The following TAFA2 variants were observed in gnomAD, a reference collection of about 807,000 sequenced individuals.
TAFA2 encodes TAFA chemokine like family member 2.
Under a neutral mutation model 18.8 loss-of-function variants are expected in TAFA2, and 7 were observed. The observed-to-expected ratio is 0.37, with a 90% confidence interval of 0.21 to 0.70. The LOEUF (loss-of-function observed/expected upper bound fraction) is 0.70, where lower values mean the gene tolerates loss of function less well. Among genes scored for constraint, TAFA2 ranks in the 30% least tolerant of loss-of-function variants. The pLI, the probability that TAFA2 is intolerant of heterozygous loss-of-function variation, is 0.53. For missense variants in TAFA2, 122 were observed against 158.1 expected (o/e 0.77, Z 1.23); for synonymous variants, 60 against 54.2 (o/e 1.11, Z -0.47).
chr12:61,975,072 A>G (rs1417661625), intron 1 of TAFA2, among the ~76,000 whole-genome samples: 1 of 151,752 alleles, frequency 6.6e-6, no homozygotes, highest in East Asian at 1.9e-4. Context: ...TGATGTTTTC[A>G]TACACATATG....
In TAFA2 at chr12:61,708,626, C is replaced by A. The variant is rs1869251818; in HGVS notation, c.*1780G>T. On this transcript the variant is annotated 3_prime_UTR_variant, in exon 5 of 5. Transcript: ENST00000416284. ...ATAGTCTTGAGCCATTGTGAAAATC[C>A]ACTCAAAGCCATCTAATTCATTTTA... 1 of 152,016 alleles carries A rather than the reference C, an allele frequency of 6.6e-6. No homozygotes were observed. 9.4% of individuals were successfully genotyped at this position (152,016 alleles called of 1,614,324 possible). A position where few individuals can be genotyped will look rare whatever the true frequency, so the allele number is the denominator to read the frequency against.
At chr12:61,998,535 ATT>A (rs1880276815) in intron 1 of TAFA2, among the ~76,000 whole-genome samples, 1 of 152,232 alleles carries the variant, frequency 6.6e-6, no homozygotes, top group Non-Finnish European at 1.5e-5. Context: ...ATATAAAAGC[ATT>A]TAATAGTCAC....
intron 2 of TAFA2, among the ~76,000 whole-genome samples, chr12:61,820,594 TAAA>T (rs796339511): frequency 6.6e-6 from 1 of 151,544 alleles, no homozygotes; most frequent in African/African-American, 2.4e-5. Flanking sequence ...AAAAAAGAAA[TAAA>T]AAAAGATAAT....
At chr12:62,209,090 G>C (rs1379847875) in intron 1 of TAFA2, among the ~76,000 whole-genome samples, 1 of 152,158 alleles carries the variant, frequency 6.6e-6, no homozygotes, top group African/African-American at 2.4e-5. Flanking sequence ...AAAACAAACA[G>C]ACTTCCACTT....
At chr12:61,837,521 CTTAAA>C (rs1251915688) in intron 2 of TAFA2, among the ~76,000 whole-genome samples, 2 of 151,968 alleles carry the variant, frequency 1.3e-5, no homozygotes, top group East Asian at 1.9e-4. Context: ...TTAATATTCC[CTTAAA>C]TTAAATCATT....
intron 1 of TAFA2, among the ~76,000 whole-genome samples, chr12:61,966,261 T>C (rs1039715197): frequency 6.6e-6 from 1 of 151,882 alleles, no homozygotes; most frequent in Non-Finnish European, 1.5e-5. Context: ...CTAAAAAGTC[T>C]AAGATCAAGG....
chr12:62,021,450 G>T, intron 1 of TAFA2: 12 of 404,144 alleles, frequency 3.0e-5, no homozygotes, highest in Non-Finnish European at 3.8e-5. Context: ...TTTCCCCCAA[G>T]ACCCCAAAGT....
chr12:62,109,999 G>A (rs191633541), intron 1 of TAFA2, among the ~76,000 whole-genome samples: 2 of 152,168 alleles, frequency 1.3e-5, no homozygotes, highest in Non-Finnish European at 2.9e-5. Context: ...GCCCTGGCCA[G>A]AACTTCTAAT....
chr12:61,850,651 T>A (rs566531236), intron 2 of TAFA2, among the ~76,000 whole-genome samples: 53 of 152,168 alleles, frequency 3.5e-4, no homozygotes, highest in African/African-American at 1.3e-3. Flanking sequence ...GTAGACTGGT[T>A]TGGCTTTGAG....
chr12:62,050,547 G>C (rs1470724913), intron 1 of TAFA2, among the ~76,000 whole-genome samples: 3 of 151,900 alleles, frequency 2.0e-5, no homozygotes, highest in African/African-American at 7.2e-5. Flanking sequence ...ACTCCAGCCT[G>C]GGCGACAGAG....
intron 1 of TAFA2, among the ~76,000 whole-genome samples, chr12:62,091,080 C>A (rs1207247962): frequency 6.6e-6 from 1 of 151,902 alleles, no homozygotes; most frequent in African/African-American, 2.4e-5. Context: ...ATGTAGCAAG[C>A]ATTTTGCTAG....
chr12:61,924,984 C>A (rs77633488), intron 1 of TAFA2, among the ~76,000 whole-genome samples: 1 of 151,988 alleles, frequency 6.6e-6, no homozygotes, highest in Non-Finnish European at 1.5e-5. Context: ...TCAAAAAAGA[C>A]AAAGAAGGGA....
At chr12:61,990,612 T>G (rs1879973915) in intron 1 of TAFA2, among the ~76,000 whole-genome samples, 1 of 62,836 alleles carries the variant, frequency 1.6e-5, no homozygotes, top group South Asian at 5.0e-4. Context: ...GTGCTGGGAT[T>G]ACAGGCATGA....
At chr12:61,992,052 G>A (rs990457262) in intron 1 of TAFA2, among the ~76,000 whole-genome samples, 1 of 152,052 alleles carries the variant, frequency 6.6e-6, no homozygotes, top group Non-Finnish European at 1.5e-5. Context: ...TCACACCTCT[G>A]GTGTCTCTCT....
chr12:61,761,739 A>G (rs922470169), intron 2 of TAFA2, among the ~76,000 whole-genome samples: 3 of 152,208 alleles, frequency 2.0e-5, no homozygotes, highest in Admixed American at 6.6e-5. Flanking sequence ...AAAATTAGAG[A>G]TAAGAATCCA....
At chr12:61,888,537 A>G (rs1323239048) in intron 1 of TAFA2, among the ~76,000 whole-genome samples, 2 of 152,234 alleles carry the variant, frequency 1.3e-5, no homozygotes, top group Non-Finnish European at 2.9e-5. Context: ...AGTGGGCAAA[A>G]CAAGGATAAC....
At chr12:62,120,062 C>CA (rs964764295) in intron 1 of TAFA2, among the ~76,000 whole-genome samples, 23 of 146,712 alleles carry the variant, frequency 1.6e-4, no homozygotes, top group South Asian at 4.3e-4. Context: ...AACTCCATCT[C>CA]AAAAAAAAAC....
intron 1 of TAFA2, among the ~76,000 whole-genome samples, chr12:62,232,060 T>C (rs1017185129): frequency 9.2e-5 from 14 of 152,174 alleles, no homozygotes; most frequent in Admixed American, 5.9e-4. Flanking sequence ...TGAGTGCATT[T>C]ATTATTAAAT....
At chr12:61,921,477 C>A (rs1877051286) in intron 1 of TAFA2, among the ~76,000 whole-genome samples, 1 of 151,956 alleles carries the variant, frequency 6.6e-6, no homozygotes, top group Non-Finnish European at 1.5e-5. Context: ...TAGAATTGCC[C>A]CTGTGTGAAA....
Sources: gnomAD v4.1 joint callset for allele counts (sites outside exome capture counted in the v4.1 genomes callset) on GRCh38, gnomAD v4.1.1 for gene constraint, MANE v1.5 for transcripts, NCBI Gene and HGNC (gene_info 2026-07-23, HGNC 2026-07-21) for gene names.